The following PCDHGB2 variants were observed in gnomAD, a reference collection of about 807,000 sequenced individuals.
PCDHGB2 encodes the protein protocadherin gamma subfamily B, 2.
A neutral mutation model predicts 59.3 loss-of-function variants in PCDHGB2; 55 were observed. That is an observed-to-expected ratio of 0.93 (90% confidence interval 0.75 to 1.16). PCDHGB2 has a LOEUF of 1.16. Ranked by LOEUF, PCDHGB2 falls within the 50% of genes most tolerant of loss-of-function variation. The probability of loss-of-function intolerance (pLI) is 0.00; values close to 1 mark genes in which losing one functional copy is unlikely to be tolerated. For missense variants in PCDHGB2, 1,228 were observed against 1,198.5 expected (o/e 1.02, Z -0.36); for synonymous variants, 516 against 512.0 (o/e 1.01, Z -0.11).
intron 1 of PCDHGB2, among the ~76,000 whole-genome samples, chr5:141,438,948 G>A (rs2154558298): frequency 6.6e-6 from 1 of 152,142 alleles, no homozygotes; most frequent in Middle Eastern, 3.4e-3. Context: ...TTATAGGCAT[G>A]AGCCACCGCA....
At chr5:141,497,742 T>C (rs2099779149) in intron 2 of PCDHGB2, among the ~76,000 whole-genome samples, 1 of 152,128 alleles carries the variant, frequency 6.6e-6, no homozygotes, top group South Asian at 2.1e-4. Context: ...TTTCGCCACG[T>C]TGGCCAGGCT....
chr5:141,371,124 C>G, intron 1 of PCDHGB2: 1 of 1,613,998 alleles, frequency 6.2e-7, no homozygotes, highest in Non-Finnish European at 8.5e-7. Context: ...AGTATTTACT[C>G]AGGACATGTA....
At chr5:141,460,817 A>G (rs527681610) in intron 1 of PCDHGB2, among the ~76,000 whole-genome samples, 3 of 152,126 alleles carry the variant, frequency 2.0e-5, no homozygotes, top group South Asian at 2.1e-4. Context: ...ATGTATACAT[A>G]TATACACACT....
chr5:141,360,309 C>A lies in PCDHGB2; in HGVS notation c.174C>A (p.Val58=). 6.2e-7 allele frequency: 1 copy of A among 1,613,980 alleles called. No homozygotes were observed. The highest frequency in any genetic ancestry group is 8.5e-7 in the Non-Finnish European group (1 of 1,179,902). ...GNLAKDLGLS[V]RDLPARKLRV... is the part of the protein sequence containing the mutation. ...TCGCCAAGGATCTGGGGCTCAGCGT[C>A]CGGGACTTGCCAGCCCGGAAGCTGC... The change falls in exon 1 of 4, where the codon GTC becomes GTA. Residue 58 remains valine, a synonymous_variant. Coordinates refer to ENST00000522605, the MANE Select transcript of PCDHGB2 (RefSeq NM_018923.3).
At chr5:141,371,726 T>G (rs769173416) in intron 1 of PCDHGB2, 3 of 1,613,932 alleles carry the variant, frequency 1.9e-6, no homozygotes, top group Non-Finnish European at 2.5e-6. Context: ...ACATCCTTGA[T>G]GTCAACGACA....
chr5:141,375,333 T>C, intron 1 of PCDHGB2: 1 of 1,613,828 alleles, frequency 6.2e-7, no homozygotes, highest in East Asian at 2.2e-5. Flanking sequence ...GAGGTATTCT[T>C]GTACAACATC....
intron 1 of PCDHGB2, chr5:141,423,108 GC>G: frequency 1.2e-6 from 2 of 1,613,864 alleles, no homozygotes; most frequent in African/African-American, 2.7e-5. Flanking sequence ...CGGGCGAGGT[GC>G]GTACAGCGCG....
At chr5:141,365,601 T>C in intron 1 of PCDHGB2, 1 of 1,613,644 alleles carries the variant, frequency 6.2e-7, no homozygotes, top group Non-Finnish European at 8.5e-7. Context: ...ACTTTAACCG[T>C]CATGGACCAT....
intron 1 of PCDHGB2, chr5:141,370,690 A>C: frequency 1.2e-6 from 2 of 1,613,828 alleles, no homozygotes; most frequent in African/African-American, 2.7e-5. Flanking sequence ...TGTGGCAAGA[A>C]GTCGACGTGT....
intron 1 of PCDHGB2, chr5:141,387,791 A>G: frequency 4.0e-6 from 6 of 1,492,120 alleles, no homozygotes; most frequent in Non-Finnish European, 4.5e-6. Flanking sequence ...AACTGCAACT[A>G]AAGTCCGTTC....
chr5:141,479,035 C>A (rs2099486361), intron 1 of PCDHGB2, among the ~76,000 whole-genome samples: 1 of 152,104 alleles, frequency 6.6e-6, no homozygotes, highest in Non-Finnish European at 1.5e-5. Context: ...TTATACAGAT[C>A]GTGTACCTCA....
Position 141,421,262 on chromosome 5 carries a change from G to GGCTGCT in PCDHGB2, c.2421+58717_2421+58722dup, listed in dbSNP as rs748368476. 11 of 1,609,598 alleles carry GGCTGCT rather than the reference G, an allele frequency of 6.8e-6. No individual in the cohort carries two copies. The Admixed American group carries it at 8.4e-5, about 12-fold the overall frequency. ...CGGCTACAGCGCGGGGACCGCAGTC[G>GGCTGCT]GCTGCTGCTGCTGCTGTGCATTTTC... is the stretch of plus-strand genomic sequence containing the variant. On this transcript the variant is annotated intron_variant, in intron 1 of 3. Coordinates refer to ENST00000522605, the MANE Select transcript of PCDHGB2 (RefSeq NM_018923.3).
intron 1 of PCDHGB2, among the ~76,000 whole-genome samples, chr5:141,456,584 A>G (rs990911693): frequency 6.6e-6 from 1 of 152,212 alleles, no homozygotes; most frequent in Non-Finnish European, 1.5e-5. Flanking sequence ...TGAGCCTGTC[A>G]ATAATTTTGA....
At chr5:141,441,775 A>G (rs1005757857) in intron 1 of PCDHGB2, 27 of 388,638 alleles carry the variant, frequency 6.9e-5, no homozygotes, top group Admixed American at 5.4e-4. Context: ...GTGTTGGTGG[A>G]CGACCTGAAT....
chr5:141,364,087 G>A lies in PCDHGB2; in HGVS notation c.2421+1531G>A, dbSNP rs927975362. ...ACTAAACTTAGGAGAAATAAAAATGGAATTTGATGCAGTCACTGGTTAGGA... is the reference window on the plus strand; with the variant it reads ...ACTAAACTTAGGAGAAATAAAAATGAAATTTGATGCAGTCACTGGTTAGGA... On this transcript the variant is annotated intron_variant, in intron 1 of 3. Transcript: ENST00000522605. The A allele has an allele frequency of 1.3e-5, 5 of 387,758 alleles. No individual in the cohort carries two copies. The East Asian group carries it at 1.5e-4, about 12-fold the overall frequency. The allele number at this position is 387,758 out of a possible 1,614,324, so 24.0% of individuals were successfully genotyped here. A position where few individuals can be genotyped will look rare whatever the true frequency, so the allele number is the denominator to read the frequency against.
In PCDHGB2 at chr5:141,476,653, C is replaced by T; in HGVS notation, c.2422-18154C>T. ...CCTATGAGCTGAGCCGAAATGAATA[C>T]TTTGCGCTTCGCGTGCAGACGCGGG... is the stretch of plus-strand genomic sequence containing the variant. On this transcript the variant is annotated intron_variant, in intron 1 of 3. Transcript: ENST00000522605. The surrounding 1 kb of genome is among the most constrained non-coding windows in gnomAD (Gnocchi z 7.6). 6.2e-7 allele frequency: 1 copy of T among 1,614,270 alleles called. No individual in the cohort carries two copies. The highest frequency in any genetic ancestry group is 8.5e-7 in the Non-Finnish European group (1 of 1,180,058).
rs759270061 is a variant in PCDHGB2, at chr5:141,372,011, G to A, written c.2421+9455G>A. 4.3e-6 allele frequency: 7 copies of A among 1,613,294 alleles called. No homozygotes were observed. In the South Asian group the frequency reaches 6.6e-5, roughly 15 times the overall value. On this transcript the variant is annotated intron_variant, in intron 1 of 3. Transcript: ENST00000522605. Reference sequence around the variant, plus strand: ...CTCTGCAGGCCCGCGACCAGGGCTCGCCTACGCTCAGCGCCAACGTGAGCC... The same window carrying A: ...CTCTGCAGGCCCGCGACCAGGGCTCACCTACGCTCAGCGCCAACGTGAGCC...
chr5:141,413,909 T>A (rs772084941), intron 1 of PCDHGB2: 1 of 1,613,316 alleles, frequency 6.2e-7, no homozygotes. Flanking sequence ...AACGCGCCGG[T>A]CTTCACCTTG....
chr5:141,405,351 C>G, intron 1 of PCDHGB2: 1 of 1,614,080 alleles, frequency 6.2e-7, no homozygotes, highest in Non-Finnish European at 8.5e-7. Flanking sequence ...TCCAAGTTTC[C>G]TATAGAAGAC....
Sources: allele counts gnomAD v4.1 joint callset (sites outside exome capture counted in the v4.1 genomes callset), GRCh38; gene constraint gnomAD v4.1.1; non-coding constraint Gnocchi (gnomAD v3.1); transcripts MANE v1.5; gene names NCBI Gene and HGNC (gene_info 2026-07-23, HGNC 2026-07-21).